Variants in TMEM98 observed in about 807,000 individuals in gnomAD.
The protein encoded by TMEM98 is transmembrane protein 98.
In TMEM98, 18 loss-of-function variants were observed where a neutral mutation model predicts 25.0. That is an observed-to-expected ratio of 0.72 (90% CI 0.50 to 1.07). The LOEUF is 1.07. Ranked by LOEUF, TMEM98 falls within the 50% of genes least tolerant of loss-of-function variation. The probability of loss-of-function intolerance (pLI) is 0.00; values close to 1 mark genes in which losing one functional copy is unlikely to be tolerated. For synonymous variants in TMEM98, 103 were observed against 112.4 expected (o/e 0.92, Z 0.53); for missense variants, 241 against 289.0 (o/e 0.83, Z 1.20).
chr17:32,930,576 A>C (rs2091462751), intron 1 of TMEM98, among the ~76,000 whole-genome samples: 2 of 152,236 alleles, frequency 1.3e-5, no homozygotes, highest in Admixed American at 1.3e-4. Flanking sequence ...CTCTTTCCAG[A>C]ACCTTTACAG....
chr17:32,938,099 A>T (rs1223211572), intron 6 of TMEM98, among the ~76,000 whole-genome samples: 1 of 152,226 alleles, frequency 6.6e-6, no homozygotes, highest in Admixed American at 6.5e-5. Flanking sequence ...GGCATTGTCC[A>T]GAGAGTGGAC....
chr17:32,940,814 CA>C lies in TMEM98; in HGVS notation c.503del (p.His168ProfsTer5). ...GACTGCCCTGCTCCTGTCTGTCAGT[CA>C]CCTGGTGCTGGTGACAAGGAATGCC... The part of the protein sequence containing the change: ...RTTALLLSVS[H>X]LVLVTRNACH... On this transcript the variant is annotated frameshift_variant, in exon 8 of 8. Transcript: ENST00000579849. LOFTEE classifies it high-confidence loss of function. 7 of 1,614,102 alleles carry C rather than the reference CA, an allele frequency of 4.3e-6. No homozygotes were observed. The South Asian group carries it at 7.7e-5, about 18-fold the overall frequency.
intron 4 of TMEM98, 48 bp from the exon 5 acceptor site, chr17:32,934,243 G>C: frequency 6.2e-7 from 1 of 1,605,050 alleles, no homozygotes; most frequent in Non-Finnish European, 8.5e-7. Context: ...GCTGGAGGGT[G>C]GTGGGCCCCT....
rs1487700651 is a variant in TMEM98, at chr17:32,940,876, GTC to G, written c.568_569del (p.Leu190ValfsTer4). 6.2e-7 allele frequency: 1 copy of G among 1,614,222 alleles called. No individual in the cohort carries two copies. Among genetic ancestry groups the G allele is most frequent in the Non-Finnish European group, 8.5e-7 (1 of 1,180,028 alleles). On this transcript the variant is annotated frameshift_variant, in exon 8 of 8. Coordinates refer to ENST00000579849, the MANE Select transcript of TMEM98 (RefSeq NM_015544.3). LOFTEE classifies it high-confidence loss of function. ...CGGGAGGCCTGGACTGGATTGACCA[GTC>G]TCTGTCGGCTGCTGAGGAGCATTTG... ...LTGGLDWIDQ[S>X]LSAAEEHLEV...
Position 32,940,981 on chromosome 17 carries a change from G to A in TMEM98, c.669G>A (p.Gln223=), listed in dbSNP as rs747416821. The change falls in exon 8 of 8, where the codon CAG becomes CAA. Residue 223 remains glutamine (Q), a synonymous_variant. Coordinates refer to ENST00000579849, the MANE Select transcript of TMEM98 (RefSeq NM_015544.3). The stretch of plus-strand genomic sequence containing the variant: ...GCCCTGAAGGCTTCCTGCAGGAGCA[G>A]TCTGCAATTTAGTGCCTACAGGCCA... ...LPGPEGFLQE[Q]SAI is the part of the protein sequence containing the mutation. 1 of 1,608,326 alleles carries A rather than the reference G, an allele frequency of 6.2e-7. No individual in the cohort carries two copies. The highest frequency in any genetic ancestry group is 1.1e-5 in the South Asian group (1 of 90,332).
rs1480599148 is a variant in TMEM98 at position 32,942,215 on chromosome 17, A to G, written c.*1222A>G. On this transcript the variant is annotated 3_prime_UTR_variant, in exon 8 of 8. Transcript: ENST00000579849. ...TTTTGCAAACATTGAAAGATTATGA[A>G]AGCTATGACCCAGAATCACAATTAT... 1 of 152,224 alleles carries G rather than the reference A, an allele frequency of 6.6e-6. No individual in the cohort carries two copies. The highest frequency in any genetic ancestry group is 1.5e-5 in the Non-Finnish European group (1 of 68,044). 9.4% of individuals were successfully genotyped at this position (152,224 alleles called of 1,614,324 possible). A position where few individuals can be genotyped will look rare whatever the true frequency, so the allele number is the denominator to read the frequency against.
At chr17:32,935,801 T>G (rs2151112891) in intron 5 of TMEM98, among the ~76,000 whole-genome samples, 1 of 152,288 alleles carries the variant, frequency 6.6e-6, no homozygotes, top group East Asian at 1.9e-4. Context: ...CAGTCTTGCC[T>G]TTTCCCTGCT....
intron 7 of TMEM98, among the ~76,000 whole-genome samples, chr17:32,940,180 G>T (rs923152192): frequency 6.6e-6 from 1 of 152,174 alleles, no homozygotes; most frequent in Non-Finnish European, 1.5e-5. Context: ...AGCTTTGTCC[G>T]TGGGTTAATA....
chr17:32,931,780 C>A, intron 3 of TMEM98, 121 bp downstream of exon 3: 2 of 1,311,438 alleles, frequency 1.5e-6, no homozygotes, highest in Non-Finnish European at 1.0e-6. Context: ...ATGGTACCTG[C>A]AGGTGTCCTT....
At chr17:32,936,029 A>G (rs1168931778) in intron 5 of TMEM98, among the ~76,000 whole-genome samples, 1 of 152,144 alleles carries the variant, frequency 6.6e-6, no homozygotes, top group Non-Finnish European at 1.5e-5. Flanking sequence ...TTTTTCCCCT[A>G]AGTGAGAAGG....
chr17:32,940,090 A>T lies in TMEM98; in HGVS notation c.473+554A>T, dbSNP rs2091520500. Among the ~76,000 whole-genome samples the T allele has an allele frequency of 3.9e-5, 6 of 152,238 alleles. No individual in the cohort carries two copies. In the South Asian group the frequency reaches 1.2e-3, roughly 31 times the overall value. On this transcript the variant is annotated intron_variant, in intron 7 of 7. Transcript: ENST00000579849. ...CCTTGGATTTATATGACTGTGTCAT[A>T]CACATGTAACAGTTGCCAGATCGGC...
rs2091535996 is a variant in TMEM98, at chr17:32,942,482, G to C, written c.*1489G>C. 1 of 152,200 alleles carries C rather than the reference G, an allele frequency of 6.6e-6. No individual in the cohort carries two copies. Among genetic ancestry groups the C allele is most frequent in the Admixed American group, 6.5e-5 (1 of 15,282 alleles). 9.4% of individuals were successfully genotyped at this position (152,200 alleles called of 1,614,324 possible). A position where few individuals can be genotyped will look rare whatever the true frequency, so the allele number is the denominator to read the frequency against. The stretch of plus-strand genomic sequence containing the variant: ...CCTCAGCTGGATTCTGGGGAACCAG[G>C]AACCCATATTCCCAAATCCAAGATT... On this transcript the variant is annotated 3_prime_UTR_variant, in exon 8 of 8. Coordinates refer to ENST00000579849, the MANE Select transcript of TMEM98 (RefSeq NM_015544.3).
Position 32,931,356 on chromosome 17 carries a change from G to T in TMEM98, c.-101G>T. 1 of 754,626 alleles carries T rather than the reference G, an allele frequency of 1.3e-6. No homozygotes were observed. Among genetic ancestry groups the T allele is most frequent in the Non-Finnish European group, 2.0e-6 (1 of 491,160 alleles). The allele number at this position is 754,626 out of a possible 1,614,324, so 46.7% of individuals were successfully genotyped here. A position where few individuals can be genotyped will look rare whatever the true frequency, so the allele number is the denominator to read the frequency against. ...TCAGGTCTCTGCAGGTGTCGTGGAGGAACCTAGCACCTGCCATCCTCTTCC... is the reference window on the plus strand; with the variant it reads ...TCAGGTCTCTGCAGGTGTCGTGGAGTAACCTAGCACCTGCCATCCTCTTCC... On this transcript the variant is annotated 5_prime_UTR_variant, in exon 2 of 8. Coordinates refer to ENST00000579849, the MANE Select transcript of TMEM98 (RefSeq NM_015544.3).
chr17:32,937,542 C>T (rs1362337320), intron 6 of TMEM98, among the ~76,000 whole-genome samples: 1 of 152,150 alleles, frequency 6.6e-6, no homozygotes, highest in East Asian at 1.9e-4. Context: ...TATAAGAACC[C>T]ACATCCCAGG....
chr17:32,933,970 C>T (rs2091482814), intron 4 of TMEM98, among the ~76,000 whole-genome samples: 1 of 152,088 alleles, frequency 6.6e-6, no homozygotes, highest in Admixed American at 6.6e-5. Context: ...GAGGAGTTCC[C>T]CAGTCTGAGC....
chr17:32,933,024 C>T, intron 3 of TMEM98, 150 bp from the exon 4 acceptor site: 1 of 1,180,052 alleles, frequency 8.5e-7, no homozygotes, highest in East Asian at 2.6e-5. Flanking sequence ...TGCAGCCCCA[C>T]TAGGCTTAGG....
chr17:32,936,385 C>G lies in TMEM98; in HGVS notation c.351C>G (p.Ala117=), dbSNP rs772615446. 1.2e-5 allele frequency: 19 copies of G among 1,614,152 alleles called. No homozygotes were observed. Among genetic ancestry groups the G allele is most frequent in the Non-Finnish European group, 1.6e-5 (19 of 1,180,038 alleles). ...KLVAMTMGSG[A]KMKTSASVSD... is the part of the protein sequence containing the mutation. Reference sequence around the variant, plus strand: ...TTGCCATGACAATGGGCTCTGGGGCCAAGATGAAGACTTCAGCCAGTGTCA... The same window carrying G: ...TTGCCATGACAATGGGCTCTGGGGCGAAGATGAAGACTTCAGCCAGTGTCA... Residue 117 remains alanine (A), a synonymous_variant, in exon 6 of 8, where the codon GCC becomes GCG. Coordinates refer to ENST00000579849, the MANE Select transcript of TMEM98 (RefSeq NM_015544.3).
rs2091541766 is a variant in TMEM98, at chr17:32,943,602, T to C, written c.*2609T>C. On this transcript the variant is annotated 3_prime_UTR_variant, in exon 8 of 8. Coordinates refer to ENST00000579849, the MANE Select transcript of TMEM98 (RefSeq NM_015544.3). ...GATTCAATGTGAAGAGAACAAGATA[T>C]TTGAAGTCAGAATTAGGTTTGAATT... The C allele has an allele frequency of 6.6e-6, 1 of 152,198 alleles. No individual in the cohort carries two copies. The highest frequency in any genetic ancestry group is 2.4e-5 in the African/African-American group (1 of 41,444). 9.4% of individuals were successfully genotyped at this position (152,198 alleles called of 1,614,324 possible).
At chr17:32,928,517 G>C (rs950840125) in intron 1 of TMEM98, among the ~76,000 whole-genome samples, 2 of 151,726 alleles carry the variant, frequency 1.3e-5, no homozygotes, top group African/African-American at 2.4e-5. Flanking sequence ...GTAGGGTCTT[G>C]GGTCTGTTCT....
Sources: allele counts gnomAD v4.1 joint callset (sites outside exome capture counted in the v4.1 genomes callset), GRCh38; gene constraint gnomAD v4.1.1; transcripts MANE v1.5; gene names NCBI Gene and HGNC (gene_info 2026-07-23, HGNC 2026-07-21).